Variants in CASP10 observed in about 807,000 individuals in gnomAD.
CASP10 encodes the protein caspase 10, also known as caspase-10.
In CASP10, 41 loss-of-function variants were observed where a neutral mutation model predicts 48.5. The observed-to-expected ratio is 0.85, with a 90% CI of 0.66 to 1.10. The LOEUF (loss-of-function observed/expected upper bound fraction) is 1.10. CASP10 is among the 50% of genes least tolerant of loss of function. The pLI is 0.00. For missense variants in CASP10, 614 were observed against 614.5 expected (o/e 1.00, Z 0.01); for synonymous variants, 232 against 238.4 (o/e 0.97, Z 0.25).
Position 201,220,804 on chromosome 2 carries a change from C to T in CASP10, c.*3063C>T, listed in dbSNP as rs1246032446. 1 of 985,278 alleles carries T rather than the reference C, an allele frequency of 1.0e-6. No homozygotes were observed. Among genetic ancestry groups the T allele is most frequent in the Non-Finnish European group, 1.2e-6 (1 of 829,960 alleles). 61.0% of individuals were successfully genotyped at this position (985,278 alleles called of 1,614,324 possible). On this transcript the variant is annotated 3_prime_UTR_variant, in exon 10 of 10. Transcript: ENST00000286186. Reference sequence around the variant, plus strand: ...AGTCAGGGCCAAAAGCTAGTGGTCACAGTCCTTGTCCAGTTGGCAGAACTG... The same window carrying T: ...AGTCAGGGCCAAAAGCTAGTGGTCATAGTCCTTGTCCAGTTGGCAGAACTG...
At chr2:201,216,043 G>A (rs527810710) in intron 9 of CASP10, among the ~76,000 whole-genome samples, 1 of 151,912 alleles carries the variant, frequency 6.6e-6, no homozygotes, top group African/African-American at 2.4e-5. Context: ...CCATGAACAC[G>A]AGATATCTTT....
At chr2:201,192,394 A>AAATAAT (rs35491925) in intron 3 of CASP10, among the ~76,000 whole-genome samples, 12,350 of 148,888 alleles carry the variant, frequency 0.083, 654 homozygotes, top group Non-Finnish European at 0.12. Flanking sequence ...CTCCATCTCA[A>AAATAAT]AATAATAATA....
intron 5 of CASP10, among the ~76,000 whole-genome samples, chr2:201,199,569 CTTT>C (rs761866954): frequency 7.3e-5 from 9 of 122,538 alleles, no homozygotes; most frequent in Admixed American, 2.6e-4. Context: ...CTCCTTTAAT[CTTT>C]TTTTTTTTTT....
intron 2 of CASP10, among the ~76,000 whole-genome samples, chr2:201,187,207 C>T (rs1169712309): frequency 1.3e-5 from 2 of 152,164 alleles, no homozygotes; most frequent in Non-Finnish European, 2.9e-5. Context: ...ATCTGAGGGA[C>T]AGTCTCTGAC....
intron 9 of CASP10, among the ~76,000 whole-genome samples, chr2:201,216,725 G>A (rs531984977): frequency 6.6e-6 from 1 of 152,200 alleles, no homozygotes; most frequent in East Asian, 1.9e-4. Flanking sequence ...GACTGTTATG[G>A]TTCCTATTTT....
chr2:201,208,328 G>A (rs1207686954), intron 8 of CASP10, 145 bp downstream of exon 8: 4 of 1,414,152 alleles, frequency 2.8e-6, no homozygotes, highest in African/African-American at 1.4e-5. Context: ...ATATCCCTGG[G>A]GAGTCATCAG....
At chr2:201,198,936 A>G (rs1944912969) in intron 5 of CASP10, among the ~76,000 whole-genome samples, 3 of 152,188 alleles carry the variant, frequency 2.0e-5, no homozygotes, top group Admixed American at 2.0e-4. Context: ...AATAATTTCA[A>G]TTTTATAGAA....
At chr2:201,191,809 G>A (rs761509129) in intron 3 of CASP10, among the ~76,000 whole-genome samples, 1 of 152,082 alleles carries the variant, frequency 6.6e-6, no homozygotes, top group Non-Finnish European at 1.5e-5. Context: ...TCTCACAACT[G>A]TCAGGAAATC....
intron 9 of CASP10, 85 bp downstream of exon 9, chr2:201,209,647 G>C: frequency 7.2e-7 from 1 of 1,391,754 alleles, no homozygotes; most frequent in Non-Finnish European, 9.7e-7. Flanking sequence ...CTTTGGTAAG[G>C]GTGAGAGTTC....
At chr2:201,199,092 C>G (rs931583416) in intron 5 of CASP10, among the ~76,000 whole-genome samples, 1 of 152,170 alleles carries the variant, frequency 6.6e-6, no homozygotes, top group Non-Finnish European at 1.5e-5. Context: ...TCTCTCCACA[C>G]ACACATAATT....
chr2:201,201,566 C>T (rs1464006550), intron 5 of CASP10, among the ~76,000 whole-genome samples: 2 of 147,996 alleles, frequency 1.4e-5, no homozygotes, highest in East Asian at 4.0e-4. Context: ...GCCTCTGAAG[C>T]GCTGTGGTTC....
intron 7 of CASP10, 45 bp downstream of exon 7, chr2:201,206,018 T>G: frequency 2.3e-6 from 3 of 1,313,188 alleles, no homozygotes; most frequent in Non-Finnish European, 3.2e-6. Flanking sequence ...AAAAATTTTT[T>G]TTCCAAATTT....
At position 201,205,929 on chromosome 2, in the gene CASP10, C is replaced by A. The variant is rs121909775; in HGVS notation, c.769C>A (p.Gln257Lys). 6.2e-7 allele frequency: 1 copy of A among 1,613,280 alleles called. No individual in the cohort carries two copies. Among genetic ancestry groups the A allele is most frequent in the East Asian group, 2.2e-5 (1 of 44,858 alleles). The change falls in exon 7 of 10, where the codon CAA becomes AAA. Residue 257 changes from glutamine (Q) to lysine (K), a missense_variant. By Grantham distance (53) the Gln-to-Lys change is moderately conservative (BLOSUM62 1). Coordinates refer to ENST00000286186, the MANE Select transcript of CASP10 (RefSeq NM_032977.4). ...GAPSLVSRGM[Q>K]GASANTLNSE... is the part of the protein sequence containing the mutation. ...ACCAAGCCTGGTCTCCAGGGGGATG[C>A]AAGGAGCATCTGCTAACACTCTAAA...
intron 5 of CASP10, among the ~76,000 whole-genome samples, chr2:201,197,803 C>T (rs551836555): frequency 2.5e-4 from 38 of 152,280 alleles, no homozygotes; most frequent in South Asian, 1.0e-3. Context: ...TTTTTAATAA[C>T]GCTGCTGTGA....
chr2:201,203,456 G>C (rs542187560), intron 5 of CASP10, among the ~76,000 whole-genome samples: 1 of 151,964 alleles, frequency 6.6e-6, no homozygotes, highest in African/African-American at 2.4e-5. Context: ...ACTGGCATGC[G>C]CTACCACACC....
chr2:201,200,991 TTTG>T (rs1944999087), intron 5 of CASP10, among the ~76,000 whole-genome samples: 1 of 152,066 alleles, frequency 6.6e-6, no homozygotes, highest in African/African-American at 2.4e-5. Context: ...TGGGCACAGC[TTTG>T]TTTAGAGAGT....
chr2:201,198,539 CTTTTTTTTTTT>C (rs34234167), intron 5 of CASP10, among the ~76,000 whole-genome samples: 11 of 87,980 alleles, frequency 1.3e-4, no homozygotes, highest in Non-Finnish European at 1.5e-4. Flanking sequence ...TTTTTTAATT[CTTTTTTTTTTT>C]TTTTTTTTGA....
intron 1 of CASP10, among the ~76,000 whole-genome samples, chr2:201,183,855 CCTTTATTT>C (rs1276217179): frequency 7.4e-6 from 1 of 134,526 alleles, no homozygotes; most frequent in Non-Finnish European, 1.6e-5. Flanking sequence ...TGTCTTCCTT[CCTTTATTT>C]ATTTATTTAT....
chr2:201,192,770 T>C lies in CASP10; in HGVS notation c.442-214T>C, dbSNP rs367836519. ...CAAGCACTGTCCCTGTTGCATAGAGTTATATATATATTTGGTATCTGGTAT... is the reference window on the plus strand; with the variant it reads ...CAAGCACTGTCCCTGTTGCATAGAGCTATATATATATTTGGTATCTGGTAT... On this transcript the variant is annotated intron_variant, in intron 3 of 9. Transcript: ENST00000286186. Among the ~76,000 whole-genome samples the C allele has an allele frequency of 9.2e-5, 14 of 152,260 alleles. No homozygotes were observed. The South Asian group carries it at 2.9e-3, about 32-fold the overall frequency.
Sources: gnomAD v4.1 joint callset for allele counts (sites outside exome capture counted in the v4.1 genomes callset) on GRCh38, gnomAD v4.1.1 for gene constraint, MANE v1.5 for transcripts, NCBI Gene and HGNC (gene_info 2026-07-23, HGNC 2026-07-21) for gene names.